LINGO2: variants seen among roughly 807,000 people sequenced by gnomAD.
LINGO2 encodes the protein leucine rich repeat and Ig domain containing 2.
LINGO2 carries 14 observed loss-of-function variants against 30.6 expected under a neutral mutation model. That is an observed-to-expected ratio of 0.46 (90% confidence interval 0.30 to 0.72). The LOEUF is 0.72. Ranked by LOEUF, LINGO2 falls within the 30% of genes least tolerant of loss-of-function variation. LINGO2 has a pLI of 0.07. For synonymous variants in LINGO2, 317 were observed against 288.5 expected, an observed-to-expected ratio of 1.10 and a Z score of -1.00; for missense variants, 729 against 751.7, an observed-to-expected ratio of 0.97 and a Z score of 0.35.
At chr9:28,370,943 C>T (rs889866944) in intron 3 of LINGO2, among the ~76,000 whole-genome samples, 2 of 152,090 alleles carry the variant, frequency 1.3e-5, no homozygotes, top group Non-Finnish European at 2.9e-5. Flanking sequence ...CTGGGCTTCC[C>T]TTTTATAAGA....
chr9:28,531,186 C>T (rs1821225488), intron 1 of LINGO2, among the ~76,000 whole-genome samples: 1 of 151,846 alleles, frequency 6.6e-6, no homozygotes, highest in Non-Finnish European at 1.5e-5. Flanking sequence ...CTTATGCTTT[C>T]TTCATAAAAT....
At chr9:28,008,888 T>C (rs1249952432) in intron 5 of LINGO2, among the ~76,000 whole-genome samples, 2 of 152,152 alleles carry the variant, frequency 1.3e-5, no homozygotes, top group Non-Finnish European at 2.9e-5. Context: ...TCATGACTGC[T>C]TTTTGTTTGC....
At chr9:28,986,979 T>C in the LINGO2 span, among the ~76,000 whole-genome samples, 1 of 151,946 alleles carries the variant, frequency 6.6e-6, no homozygotes, top group Admixed American at 6.6e-5. Context: ...ATTTCTTTTT[T>C]AGATAGTTCA....
At chr9:28,799,254 C>A in the LINGO2 span, among the ~76,000 whole-genome samples, 2 of 152,072 alleles carry the variant, frequency 1.3e-5, no homozygotes, top group Non-Finnish European at 2.9e-5. Context: ...CCAGGTGGCA[C>A]TGCAGACTGC....
chr9:28,177,624 T>C (rs974712552), intron 4 of LINGO2, among the ~76,000 whole-genome samples: 6 of 152,164 alleles, frequency 3.9e-5, no homozygotes, highest in African/African-American at 1.4e-4. Flanking sequence ...ACATTAAATG[T>C]TCCAACAAAT....
At chr9:28,299,646 T>A in intron 3 of LINGO2, among the ~76,000 whole-genome samples, 1 of 152,232 alleles carries the variant, frequency 6.6e-6, no homozygotes, top group East Asian at 1.9e-4. Flanking sequence ...AAAATAAGAA[T>A]CAGAAAGTTT....
At chr9:28,217,208 A>G (rs1431458434) in intron 4 of LINGO2, among the ~76,000 whole-genome samples, 1 of 151,392 alleles carries the variant, frequency 6.6e-6, no homozygotes, top group East Asian at 1.9e-4. Context: ...ATTTTTATGT[A>G]GTTTATTTTT....
chr9:29,094,739 T>A, the LINGO2 span, among the ~76,000 whole-genome samples: 1 of 138,990 alleles, frequency 7.2e-6, no homozygotes, highest in Non-Finnish European at 1.6e-5. Flanking sequence ...AGATAATATT[T>A]TGGATATGCT....
chr9:28,487,972 C>A (rs1026385835), intron 1 of LINGO2, among the ~76,000 whole-genome samples: 1 of 152,096 alleles, frequency 6.6e-6, no homozygotes, highest in Non-Finnish European at 1.5e-5. Flanking sequence ...GCTATTTAGC[C>A]TATTTAAAAG....
rs1470548426 is a variant in LINGO2 at position 27,986,333 on chromosome 9, GAA to G, written c.-36+26020_-36+26021del. 2.6e-5 allele frequency among the ~76,000 whole-genome samples: 4 copies of G among 151,808 alleles called. No homozygotes were observed. The East Asian group carries it at 7.8e-4, about 30-fold the overall frequency. On this transcript the variant is annotated intron_variant, in intron 5 of 5. Coordinates refer to ENST00000379992, the Ensembl canonical transcript of LINGO2. ...AAAAGAAAAGGAAAAACAAAACTAA[GAA>G]ATAACAGGGGCAAAGGGACTGAGTA...
the LINGO2 span, among the ~76,000 whole-genome samples, chr9:29,032,736 T>C: frequency 1.3e-5 from 2 of 152,186 alleles, no homozygotes; most frequent in African/African-American, 2.4e-5. Context: ...CATGTGACTA[T>C]TTAAATCTAT....
At chr9:28,861,163 T>C in the LINGO2 span, among the ~76,000 whole-genome samples, 2 of 83,136 alleles carry the variant, frequency 2.4e-5, no homozygotes, top group Admixed American at 1.5e-4. Context: ...ATTATATAAA[T>C]ATATAAAATA....
chr9:28,078,470 T>A (rs954969290), intron 4 of LINGO2, among the ~76,000 whole-genome samples: 1 of 148,620 alleles, frequency 6.7e-6, no homozygotes, highest in Non-Finnish European at 1.5e-5. Flanking sequence ...TGTGAGCACA[T>A]GGAAAAAGAA....
At chr9:28,944,719 A>G in the LINGO2 span, among the ~76,000 whole-genome samples, 1 of 152,124 alleles carries the variant, frequency 6.6e-6, no homozygotes, top group Admixed American at 6.6e-5. Context: ...TTTGTTCTTA[A>G]AAGAGGTTAT....
the LINGO2 span, among the ~76,000 whole-genome samples, chr9:28,707,173 T>C: frequency 6.6e-6 from 1 of 152,070 alleles, no homozygotes; most frequent in Non-Finnish European, 1.5e-5. Context: ...GAGTGATAAA[T>C]AAATAATTGT....
the LINGO2 span, among the ~76,000 whole-genome samples, chr9:29,001,495 C>T: frequency 1.3e-5 from 2 of 151,892 alleles, no homozygotes; most frequent in Non-Finnish European, 2.9e-5. Flanking sequence ...ACAACAGAGG[C>T]TGACCTCAAT....
intron 4 of LINGO2, among the ~76,000 whole-genome samples, chr9:28,189,689 A>G (rs1476004562): frequency 2.6e-4 from 16 of 61,810 alleles, no homozygotes; most frequent in Non-Finnish European, 3.9e-4. Flanking sequence ...GGAAGGGAGG[A>G]AGGAAGGGAG....
the LINGO2 span, among the ~76,000 whole-genome samples, chr9:28,716,070 C>T: frequency 4.6e-5 from 7 of 151,754 alleles, no homozygotes; most frequent in Non-Finnish European, 1.0e-4. Context: ...CATTATGAGT[C>T]TGGGAGCTCG....
chr9:29,083,546 C>A, the LINGO2 span, among the ~76,000 whole-genome samples: 1 of 151,590 alleles, frequency 6.6e-6, no homozygotes, highest in Non-Finnish European at 1.5e-5. Context: ...CAAACCTGCA[C>A]ATTGTGCACA....
Sources: allele counts gnomAD v4.1 joint callset (sites outside exome capture counted in the v4.1 genomes callset), GRCh38; gene constraint gnomAD v4.1.1; transcripts MANE v1.5; gene names NCBI Gene and HGNC (gene_info 2026-07-23, HGNC 2026-07-21).